CACNG2: variants seen among roughly 807,000 people sequenced by gnomAD.
CACNG2 encodes voltage-dependent calcium channel gamma-2 subunit.
In CACNG2, 3 loss-of-function variants were observed where a neutral mutation model predicts 25.9. The observed-to-expected ratio is 0.12, with a 90% CI of 0.05 to 0.30. CACNG2 has a LOEUF of 0.30. Ranked by LOEUF, CACNG2 falls within the 10% of genes least tolerant of loss-of-function variation. The probability of loss-of-function intolerance (pLI) is 1.00; values close to 1 mark genes in which losing one functional copy is unlikely to be tolerated. For missense variants in CACNG2, 341 were observed against 432.5 expected (o/e 0.79, Z 1.88); for synonymous variants, 167 against 173.3 (o/e 0.96, Z 0.29).
At chr22:36,622,321 C>T (rs1233181492) in intron 1 of CACNG2, among the ~76,000 whole-genome samples, 5 of 152,206 alleles carry the variant, frequency 3.3e-5, no homozygotes, top group Admixed American at 2.6e-4. Flanking sequence ...GACTGCAGGG[C>T]CCTATGCCCA....
chr22:36,661,288 A>G (rs540856226), intron 1 of CACNG2, among the ~76,000 whole-genome samples: 21 of 152,344 alleles, frequency 1.4e-4, no homozygotes, highest in Middle Eastern at 3.4e-3. Context: ...ATTTACATGC[A>G]GCCTCCTGAG....
rs1569032646 is a variant in CACNG2 at position 36,623,011 on chromosome 22, G to GATTTTTTTTTTTTTTTTTTTTTT, written c.212-35464_212-35463insAAAAAAAAAAAAAAAAAAAAAAT. 6.4e-5 allele frequency among the ~76,000 whole-genome samples: 6 copies of GATTTTTTTTTTTTTTTTTTTTTT among 93,224 alleles called. 3 individuals are homozygous for GATTTTTTTTTTTTTTTTTTTTTT. The allele number at this position is 93,224 out of a possible 152,430, so 61.2% of individuals were successfully genotyped here. Reference sequence around the variant, plus strand: ...TTTCTCATTCAGTCTTCAAAACATGGGTTTTTTTTTTTTTTTTTTTTTTTT... The same window carrying GATTTTTTTTTTTTTTTTTTTTTT: ...TTTCTCATTCAGTCTTCAAAACATGGATTTTTTTTTTTTTTTTTTTTTTGTTTTTTTTTTTTTTTTTTTTTTTT... On this transcript the variant is annotated intron_variant, in intron 1 of 3. Transcript: ENST00000300105.
chr22:36,614,420 C>T (rs1036106646), intron 1 of CACNG2, among the ~76,000 whole-genome samples: 9 of 152,224 alleles, frequency 5.9e-5, no homozygotes, highest in African/African-American at 1.9e-4. Context: ...GAGCCGGCAG[C>T]TCCTTCTGGT....
chr22:36,632,336 G>A (rs181087637), intron 1 of CACNG2, among the ~76,000 whole-genome samples: 68 of 152,100 alleles, frequency 4.5e-4, no homozygotes, highest in Non-Finnish European at 7.8e-4. Context: ...GATCCCCCTG[G>A]GCCTCATTTG....
At chr22:36,699,554 T>C (rs1314087454) in intron 1 of CACNG2, among the ~76,000 whole-genome samples, 3 of 151,164 alleles carry the variant, frequency 2.0e-5, no homozygotes, top group African/African-American at 7.3e-5. Context: ...TTGTTTTTCA[T>C]CTGGAGTCAT....
chr22:36,581,093 G>C (rs1935409640), intron 2 of CACNG2, among the ~76,000 whole-genome samples: 1 of 152,198 alleles, frequency 6.6e-6, no homozygotes, highest in Non-Finnish European at 1.5e-5. Context: ...TTAATCTTTG[G>C]TTAATGAGGG....
At chr22:36,654,491 A>G (rs1242319357) in intron 1 of CACNG2, among the ~76,000 whole-genome samples, 1 of 152,030 alleles carries the variant, frequency 6.6e-6, no homozygotes, top group Non-Finnish European at 1.5e-5. Flanking sequence ...CTTGGCCTCC[A>G]AAAGTGCTGA....
intron 1 of CACNG2, among the ~76,000 whole-genome samples, chr22:36,668,259 G>A (rs5756284): frequency 1.3e-5 from 2 of 152,204 alleles, no homozygotes; most frequent in African/African-American, 2.4e-5. Flanking sequence ...AGGCGATCCA[G>A]GTTCCCTGCC....
chr22:36,581,125 C>G (rs145203191), intron 2 of CACNG2, among the ~76,000 whole-genome samples: 4 of 152,208 alleles, frequency 2.6e-5, no homozygotes, highest in Non-Finnish European at 4.4e-5. Flanking sequence ...GAGGCTGCCA[C>G]AGCAGACACA....
intron 2 of CACNG2, among the ~76,000 whole-genome samples, chr22:36,581,204 T>C (rs1034910970): frequency 8.5e-5 from 13 of 152,140 alleles, no homozygotes; most frequent in Admixed American, 4.6e-4. Flanking sequence ...AAGCCAGTTA[T>C]AGGTGGGGCG....
chr22:36,700,770 T>C (rs1016862926), intron 1 of CACNG2, among the ~76,000 whole-genome samples: 6 of 152,182 alleles, frequency 3.9e-5, no homozygotes, highest in Non-Finnish European at 8.8e-5. Context: ...GAAGAGCATA[T>C]AGTATTCAGC....
intron 1 of CACNG2, among the ~76,000 whole-genome samples, chr22:36,613,248 T>C: frequency 6.6e-6 from 1 of 151,854 alleles, no homozygotes; most frequent in South Asian, 2.1e-4. Context: ...TGGGGAACAC[T>C]GCAGTAAATG....
intron 1 of CACNG2, among the ~76,000 whole-genome samples, chr22:36,665,730 C>A (rs538448228): frequency 3.9e-5 from 6 of 152,258 alleles, no homozygotes; most frequent in South Asian, 2.1e-4. Flanking sequence ...ACAACAACAA[C>A]AAAAAACAAG....
At chr22:36,619,287 A>T (rs1936071297) in intron 1 of CACNG2, among the ~76,000 whole-genome samples, 1 of 152,224 alleles carries the variant, frequency 6.6e-6, no homozygotes, top group Non-Finnish European at 1.5e-5. Context: ...GCACCGCAGG[A>T]TGACAGAGTT....
chr22:36,598,809 T>C (rs1426212898), intron 1 of CACNG2, among the ~76,000 whole-genome samples: 3 of 151,880 alleles, frequency 2.0e-5, no homozygotes, highest in African/African-American at 4.8e-5. Context: ...TGAAACCCTG[T>C]CTGTACCCAA....
intron 1 of CACNG2, among the ~76,000 whole-genome samples, chr22:36,689,624 T>C (rs979776279): frequency 2.0e-5 from 3 of 152,218 alleles, no homozygotes; most frequent in African/African-American, 7.2e-5. Flanking sequence ...ACCCAGAAAA[T>C]GGAAATTTCT....
intron 1 of CACNG2, among the ~76,000 whole-genome samples, chr22:36,652,094 G>A (rs1293775412): frequency 6.6e-6 from 1 of 152,152 alleles, no homozygotes; most frequent in Non-Finnish European, 1.5e-5. Flanking sequence ...TGAAACTCCT[G>A]ACCTCAAGTG....
chr22:36,577,164 A>G (rs1224359394), intron 2 of CACNG2, among the ~76,000 whole-genome samples: 1 of 152,220 alleles, frequency 6.6e-6, no homozygotes, highest in East Asian at 1.9e-4. Context: ...AACTGAGTAC[A>G]CACACTTGAA....
At chr22:36,653,982 CTGTGTGTG>C (rs34435196) in intron 1 of CACNG2, among the ~76,000 whole-genome samples, 133 of 134,204 alleles carry the variant, frequency 9.9e-4, no homozygotes, top group African/African-American at 3.3e-3. Context: ...GTGTGTGTCT[CTGTGTGTG>C]TGTGTGTGTG....
Sources: allele counts gnomAD v4.1 joint callset (sites outside exome capture counted in the v4.1 genomes callset), GRCh38; gene constraint gnomAD v4.1.1; transcripts MANE v1.5; gene names NCBI Gene and HGNC (gene_info 2026-07-23, HGNC 2026-07-21).